TUB: variants seen among roughly 807,000 people sequenced by gnomAD.
TUB encodes the protein tubby protein homolog.
In TUB, 33 loss-of-function variants were observed where a neutral mutation model predicts 59.7. That is an observed-to-expected ratio of 0.55 (90% CI 0.42 to 0.74). The LOEUF is 0.74. Ranked by LOEUF, TUB falls within the 30% of genes least tolerant of loss-of-function variation. The pLI, the probability that TUB is intolerant of heterozygous loss-of-function variation, is 0.00. For synonymous variants in TUB, 293 were observed against 256.4 expected (o/e 1.14, Z -1.36); for missense variants, 659 against 672.0 (o/e 0.98, Z 0.21).
Position 8,101,532 on chromosome 11 carries a change from C to T in TUB, c.1434C>T (p.Phe478=), listed in dbSNP as rs1408033123. 2 of 1,614,232 alleles carry T rather than the reference C, an allele frequency of 1.2e-6. No homozygotes were observed. Among genetic ancestry groups the T allele is most frequent in the African/African-American group, 2.7e-5 (2 of 75,056 alleles). Residue 478 remains phenylalanine, a synonymous_variant, in exon 12 of 12, where the codon TTC becomes TTT. Transcript: ENST00000299506. ...TTGGCCGGGTAGCAGAGGATGTGTT[C>T]ACCATGGATTACAACTACCCGCTGT... The part of the protein sequence containing the change: ...MQFGRVAEDV[F]TMDYNYPLCA...
Position 8,097,299 on chromosome 11 carries a change from G to C in TUB, c.759G>C (p.Glu253Asp). ...ACGTTGAGGTCCAGGATCTTGAGGA[G>C]TTTGCACTGAGGCCGGCCCCCCAGG... is the stretch of plus-strand genomic sequence containing the variant. ...PVDVEVQDLE[E>D]FALRPAPQGI... is the part of the protein sequence containing the mutation. The change falls in exon 7 of 12, where the codon GAG (glutamate) becomes GAC (aspartate). Residue 253 changes from glutamate to aspartate, a missense_variant. Physicochemically the swap from Glu to Asp is conservative, Grantham distance 45 (BLOSUM62 2). Around this residue, in one of 3 missense-constraint regions of TUB, gnomAD observed 112 missense variants for 156.9 expected, o/e 0.71. Transcript: ENST00000299506. 1 of 1,614,188 alleles carries C rather than the reference G, an allele frequency of 6.2e-7. No individual in the cohort carries two copies. The highest frequency in any genetic ancestry group is 1.1e-5 in the South Asian group (1 of 91,088).
intron 2 of TUB, among the ~76,000 whole-genome samples, chr11:8,063,030 C>T (rs189381305): frequency 2.0e-5 from 3 of 152,276 alleles, no homozygotes; most frequent in South Asian, 2.1e-4. Flanking sequence ...GGAAGGGGTG[C>T]GACAGAGCAT....
chr11:8,089,978 T>A, intron 2 of TUB, 91 bp from the exon 3 acceptor site: 1 of 1,454,456 alleles, frequency 6.9e-7, no homozygotes, highest in Middle Eastern at 2.2e-4. Flanking sequence ...CATGGGGCCT[T>A]GGCCCAAGGT....
chr11:8,046,787 A>T (rs1004787236), intron 2 of TUB, among the ~76,000 whole-genome samples: 7 of 152,028 alleles, frequency 4.6e-5, no homozygotes, highest in Admixed American at 2.0e-4. Flanking sequence ...TCCCCCACTT[A>T]ATGTATTTCA....
intron 2 of TUB, among the ~76,000 whole-genome samples, chr11:8,045,016 T>C (rs1019486175): frequency 6.6e-6 from 1 of 152,332 alleles, no homozygotes. Context: ...TAGGGTTTTA[T>C]GGAGGTCCTG....
chr11:8,081,587 C>G (rs551039467), intron 1 of TUB, 39 bp downstream of exon 1: 4 of 1,497,074 alleles, frequency 2.7e-6, no homozygotes, highest in South Asian at 1.3e-5. Context: ...CCACTCCCGA[C>G]TCGGGACGTG....
intron 4 of TUB, among the ~76,000 whole-genome samples, chr11:8,094,504 G>A (rs4485140): frequency 0.027 from 4,068 of 152,298 alleles, 75 homozygotes; most frequent in African/African-American, 0.051. Context: ...CCCTCAAGGA[G>A]GATCTCACCC....
rs769061905 is a variant in TUB, at chr11:8,063,157, G to C, written c.203+23465G>C. ...GCAGCCCCTGTCCAGCCACGTGTGT[G>C]AGCCCAGGTCCTCCTGCATAGACAC... is the stretch of plus-strand genomic sequence containing the variant. On this transcript the variant is annotated intron_variant, in intron 2 of 12. Transcript: ENST00000305253. 1.1e-4 allele frequency among the ~76,000 whole-genome samples: 17 copies of C among 152,184 alleles called. 1 individual carries two copies. Among genetic ancestry groups the C allele is most frequent in the Admixed American group, 6.5e-5 (1 of 15,280 alleles).
chr11:8,100,849 C>G lies in TUB; in HGVS notation c.1239C>G (p.Arg413=). The G allele has an allele frequency of 6.2e-7, 1 of 1,614,180 alleles. No individual in the cohort carries two copies. The highest frequency in any genetic ancestry group is 8.5e-7 in the Non-Finnish European group (1 of 1,180,040). Residue 413 remains arginine, a synonymous_variant, in exon 11 of 12, where the codon CGC becomes CGG. Coordinates refer to ENST00000299506, the MANE Select transcript of TUB (RefSeq NM_177972.3). ...PRNEHETLLA[R]WQNKNTESII... is the part of the protein sequence containing the mutation. Reference sequence around the variant, plus strand: ...AGGAGCATGAGACACTGCTAGCACGCTGGCAGAATAAGAACACGGAGAGTA... The same window carrying G: ...AGGAGCATGAGACACTGCTAGCACGGTGGCAGAATAAGAACACGGAGAGTA...
At chr11:8,049,561 G>GTATATATATATATATATATATATATA (rs372881525) in intron 2 of TUB, among the ~76,000 whole-genome samples, 46 of 124,198 alleles carry the variant, frequency 3.7e-4, no homozygotes, top group Non-Finnish European at 6.2e-4. Flanking sequence ...GTATTATGTG[G>GTATATATATATATATATATATATATA]TATATATATA....
upstream of TUB, chr11:8,076,674 A>C (rs1943453840): frequency 6.6e-6 from 1 of 152,220 alleles, no homozygotes; most frequent in Non-Finnish European, 1.5e-5. Context: ...TGCACTCAAC[A>C]AATGATAGCT....
rs1287643574 is a variant in TUB at position 8,103,819 on chromosome 11, GGTTCTGA to G, written c.*2207_*2213del. The G allele has an allele frequency of 8.5e-5, 13 of 152,710 alleles. No individual in the cohort carries two copies. Among genetic ancestry groups the G allele is most frequent in the African/African-American group, 3.1e-4 (13 of 41,588 alleles). 9.5% of individuals were successfully genotyped at this position (152,710 alleles called of 1,614,324 possible). Reference sequence around the variant, plus strand: ...CTATGATTTTAAGATAGAACAGGCTGGTTCTGAGTTCTGGTGAGACGGAGACCCCGGT... The same window carrying G: ...CTATGATTTTAAGATAGAACAGGCTGGTTCTGGTGAGACGGAGACCCCGGT... On this transcript the variant is annotated 3_prime_UTR_variant, in exon 12 of 12. Transcript: ENST00000299506.
intron 1 of TUB, among the ~76,000 whole-genome samples, chr11:8,019,636 G>T (rs1942389078): frequency 6.6e-6 from 1 of 152,090 alleles, no homozygotes; most frequent in South Asian, 2.1e-4. Context: ...CACCCCAGCT[G>T]CCCCGCCAGG....
chr11:8,036,514 T>C (rs892460355), upstream of TUB, among the ~76,000 whole-genome samples: 23 of 152,054 alleles, frequency 1.5e-4, no homozygotes, highest in Non-Finnish European at 2.9e-5. Flanking sequence ...GACTGAAGAG[T>C]CATGTTCTGT....
intron 1 of TUB, among the ~76,000 whole-genome samples, chr11:8,026,341 ATGT>A (rs1942500089): frequency 1.3e-5 from 2 of 151,592 alleles, no homozygotes; most frequent in South Asian, 2.1e-4. Flanking sequence ...TGTTCTTCTG[ATGT>A]TGTATCTAAG....
intron 2 of TUB, among the ~76,000 whole-genome samples, chr11:8,041,133 G>C (rs1405399918): frequency 6.6e-6 from 1 of 152,238 alleles, no homozygotes; most frequent in Non-Finnish European, 1.5e-5. Flanking sequence ...AGTGTGAACT[G>C]TATGTCTACA....
chr11:8,061,996 G>A, intron 2 of TUB: 1 of 152,762 alleles, frequency 6.5e-6, no homozygotes. Context: ...CCAGGACTAT[G>A]GAGGCTTCAG....
upstream of TUB, among the ~76,000 whole-genome samples, chr11:8,037,505 A>G (rs998693334): frequency 1.3e-5 from 2 of 152,202 alleles, no homozygotes; most frequent in African/African-American, 4.8e-5. Flanking sequence ...GGGGTCAGCA[A>G]TGTCCAGCTT....
At chr11:8,036,376 C>G (rs902607258), upstream of TUB, among the ~76,000 whole-genome samples, 1 of 152,202 alleles carries the variant, frequency 6.6e-6, no homozygotes, top group East Asian at 1.9e-4. Flanking sequence ...CCTGTTCCTC[C>G]TATGCACTCT....
Sources: gnomAD v4.1 joint callset for allele counts (sites outside exome capture counted in the v4.1 genomes callset) on GRCh38, gnomAD v4.1.1 for gene constraint, gnomAD v4.1.1 regional missense constraint, MANE v1.5 for transcripts, NCBI Gene and HGNC (gene_info 2026-07-23, HGNC 2026-07-21) for gene names.